Variants in CNTROB observed in about 807,000 individuals in gnomAD.
CNTROB encodes centrobin.
In CNTROB, 82 loss-of-function variants were observed where a neutral mutation model predicts 115.7. The ratio of observed to expected loss-of-function variants is 0.71; its 90% CI spans 0.59 to 0.85. The LOEUF (loss-of-function observed/expected upper bound fraction) is 0.85. CNTROB is among the 40% of genes least tolerant of loss of function. CNTROB has a pLI of 0.00. For missense variants in CNTROB, 1,014 were observed against 1,144.4 expected (o/e 0.89, Z 1.64); for synonymous variants, 439 against 456.4 (o/e 0.96, Z 0.49).
chr17:7,943,694 G>T lies in CNTROB; in HGVS notation c.1445+170G>T. 1 of 679,834 alleles carries T rather than the reference G, an allele frequency of 1.5e-6. No individual in the cohort carries two copies. The allele number at this position is 679,834 out of a possible 1,614,324, so 42.1% of individuals were successfully genotyped here. On this transcript the variant is annotated intron_variant, in intron 10 of 18. Transcript: ENST00000563694. The surrounding 1 kb of genome is among the most constrained non-coding windows in gnomAD (Gnocchi z 4.7). ...TCTCTCGGGAGGGCTGCCTTCACGCGTTCATGGAGAGCCAGAAGTGCCTGG... is the reference window on the plus strand; with the variant it reads ...TCTCTCGGGAGGGCTGCCTTCACGCTTTCATGGAGAGCCAGAAGTGCCTGG...
In CNTROB at chr17:7,943,880, C is replaced by T. The variant is rs189855333; in HGVS notation, c.1446-243C>T. 1.0e-3 allele frequency among the ~76,000 whole-genome samples: 158 copies of T among 152,280 alleles called. 3 individuals carry two copies. The highest frequency in any genetic ancestry group is 0.01 in the Admixed American group (156 of 15,302). On this transcript the variant is annotated intron_variant, in intron 10 of 18. Coordinates refer to ENST00000563694, the MANE Select transcript of CNTROB (RefSeq NM_053051.5). This position sits in a 1 kb window ranked among gnomAD's most constrained non-coding sequence, Gnocchi z 4.7. ...CTCCTCGCAGCCTGGCCTCACTTCT[C>T]CTCACACCCATTCTGCTGCCGAGAT...
At chr17:7,940,373 G>A (rs1433099552) in intron 9 of CNTROB, 131 bp downstream of exon 9, 3 of 768,900 alleles carry the variant, frequency 3.9e-6, no homozygotes, top group Non-Finnish European at 5.9e-6. Context: ...CAGTTTCTAT[G>A]TAGTATGGGT....
rs1164311953 is a variant in CNTROB at position 7,944,647 on chromosome 17, T to C, written c.1734+9T>C. 8 of 1,598,158 alleles carry C rather than the reference T, an allele frequency of 5.0e-6. No homozygotes were observed. Among genetic ancestry groups the C allele is most frequent in the African/African-American group, 2.7e-5 (2 of 74,242 alleles). On this transcript the variant is annotated intron_variant, in intron 12 of 18. Coordinates refer to ENST00000563694, the MANE Select transcript of CNTROB (RefSeq NM_053051.5). This position sits in a 1 kb window ranked among gnomAD's most constrained non-coding sequence, Gnocchi z 4.0. ...CGCCGCCCAACCCTCCAGTACGCCT[T>C]ACCCCTTGAGCTAAGCTTCTCCGTT...
Position 7,939,955 on chromosome 17 carries a change from C to G in CNTROB, c.1165-141C>G, listed in dbSNP as rs1367285345. 6 of 1,159,212 alleles carry G rather than the reference C, an allele frequency of 5.2e-6. No homozygotes were observed. In the East Asian group the frequency reaches 9.4e-5, roughly 18 times the overall value. The allele number at this position is 1,159,212 out of a possible 1,614,324, so 71.8% of individuals were successfully genotyped here. On this transcript the variant is annotated intron_variant, in intron 8 of 18. Coordinates refer to ENST00000563694, the MANE Select transcript of CNTROB (RefSeq NM_053051.5). The surrounding 1 kb of genome is among the most constrained non-coding windows in gnomAD (Gnocchi z 4.4). ...ACGTGAAAGGCCAAAGACTGAAATT[C>G]AACAGGGATGGGGAAATAAAACAAA...
chr17:7,941,445 C>CA (rs1364736728), intron 9 of CNTROB, among the ~76,000 whole-genome samples: 4 of 151,334 alleles, frequency 2.6e-5, no homozygotes, highest in Non-Finnish European at 4.4e-5. Context: ...ACTAAAAATA[C>CA]AAAAATTATC....
chr17:7,943,242 G>A lies in CNTROB; in HGVS notation c.1312-149G>A. ...AAGTGCGAATATCTTAATAAGGAAA[G>A]GGAACCTCTTTCACTCCTTGAGGCA... On this transcript the variant is annotated intron_variant, in intron 9 of 18. Transcript: ENST00000563694. This position sits in a 1 kb window ranked among gnomAD's most constrained non-coding sequence, Gnocchi z 4.7. 1.8e-6 allele frequency: 1 copy of A among 561,484 alleles called. No homozygotes were observed. The highest frequency in any genetic ancestry group is 3.3e-5 in the Admixed American group (1 of 30,458). The allele number at this position is 561,484 out of a possible 1,614,324, so 34.8% of individuals were successfully genotyped here.
chr17:7,942,330 C>T (rs537329073), intron 9 of CNTROB, among the ~76,000 whole-genome samples: 13 of 151,418 alleles, frequency 8.6e-5, no homozygotes, highest in East Asian at 7.8e-4. Context: ...GGGCCATGCG[C>T]GGTGGCTCAC....
At chr17:7,933,394 G>A (rs962170206) in intron 1 of CNTROB, 45 bp downstream of exon 1, 2 of 1,559,038 alleles carry the variant, frequency 1.3e-6, no homozygotes, top group Non-Finnish European at 1.7e-6. Flanking sequence ...CTAGACACCA[G>A]AGAGTCTTGG....
At chr17:7,933,476 A>C (rs1225311712) in intron 1 of CNTROB, 127 bp downstream of exon 1, 4 of 1,015,572 alleles carry the variant, frequency 3.9e-6, no homozygotes, top group Non-Finnish European at 5.6e-6. Flanking sequence ...TATTCCTTTT[A>C]ACTGCATAGG....
intron 4 of CNTROB, 43 bp from the exon 5 acceptor site, chr17:7,936,323 A>G (rs1310210667): frequency 3.5e-6 from 3 of 852,950 alleles, no homozygotes; most frequent in South Asian, 1.3e-5. Flanking sequence ...CTGTGGTCAT[A>G]CCAAAGATGG....
chr17:7,945,439 C>T (rs1253712761), intron 12 of CNTROB: 1 of 305,958 alleles, frequency 3.3e-6, no homozygotes, highest in Admixed American at 4.6e-5. Context: ...CACTCTGTTG[C>T]CCAGAGCGCT....
chr17:7,947,824 GACTA>G (rs1974733954), intron 14 of CNTROB, 88 bp from the exon 15 acceptor site: 2 of 1,609,214 alleles, frequency 1.2e-6, no homozygotes, highest in South Asian at 1.1e-5. Flanking sequence ...CCCTGTTTAT[GACTA>G]ACTCTTTGTC....
intron 13 of CNTROB, among the ~76,000 whole-genome samples, chr17:7,946,395 C>A (rs1974539316): frequency 6.6e-6 from 1 of 151,818 alleles, no homozygotes; most frequent in African/African-American, 2.4e-5. Context: ...CTAGCTGAGC[C>A]TCTAGACATT....
chr17:7,934,223 G>C lies in CNTROB; in HGVS notation c.355+1G>C. ...CAAACCTCACGTGATACAGCCTATC[G>C]TGAGTAAGCCCCTTCCCTAGAACTA... On this transcript the variant is annotated splice_donor_variant, in intron 2 of 18. Transcript: ENST00000563694. LOFTEE classifies it high-confidence loss of function. 6.2e-7 allele frequency: 1 copy of C among 1,613,458 alleles called. No individual in the cohort carries two copies. The highest frequency in any genetic ancestry group is 8.5e-7 in the Non-Finnish European group (1 of 1,179,412).
rs777422309 is a variant in CNTROB at position 7,933,164 on chromosome 17, CAAGTGTCGTCTG to C, written c.91_102del (p.Ser31_Val34del). 3.0e-5 allele frequency: 49 copies of C among 1,614,094 alleles called. No homozygotes were observed. The South Asian group carries it at 5.3e-4, about 17-fold the overall frequency. Reference sequence around the variant, plus strand: ...TTCATCAGAACCCCCTGGGCTCAACCAAGTGTCGTCTGAAGTGACCTCCCAGCTCTATGCTTC... The same window carrying C: ...TTCATCAGAACCCCCTGGGCTCAACCAAGTGACCTCCCAGCTCTATGCTTC... On this transcript the variant is annotated inframe_deletion, in exon 1 of 19. Coordinates refer to ENST00000563694, the MANE Select transcript of CNTROB (RefSeq NM_053051.5).
At position 7,949,399 on chromosome 17, in the gene CNTROB, T is replaced by C; in HGVS notation, c.2601T>C (p.Ala867=). The C allele has an allele frequency of 6.2e-7, 1 of 1,614,122 alleles. No homozygotes were observed. The highest frequency in any genetic ancestry group is 8.5e-7 in the Non-Finnish European group (1 of 1,180,008). The change falls in exon 19 of 19, where the codon GCT becomes GCC. Residue 867 remains alanine (A), a synonymous_variant. Coordinates refer to ENST00000563694, the MANE Select transcript of CNTROB (RefSeq NM_053051.5). ...EIPRKEIPSQ[A]VPRRLATAPK... is the part of the protein sequence containing the mutation. ...TCAACTCTCAGATTCCCTCCCAGGC[T>C]GTCCCTCGCCGCCTTGCTACAGCCC... is the stretch of plus-strand genomic sequence containing the variant.
Position 7,943,440 on chromosome 17 carries a change from A to G in CNTROB, c.1361A>G (p.Gln454Arg). The G allele has an allele frequency of 1.2e-6, 2 of 1,613,968 alleles. No homozygotes were observed. Among genetic ancestry groups the G allele is most frequent in the Non-Finnish European group, 1.7e-6 (2 of 1,179,858 alleles). The change falls in exon 10 of 19, where the codon CAG becomes CGG. Residue 454 changes from glutamine to arginine, a missense_variant. Transcript: ENST00000563694. The surrounding 1 kb of genome is among the most constrained non-coding windows in gnomAD (Gnocchi z 4.7). ...RIQLESELAV[Q>R]LEQRVTERLA... Reference sequence around the variant, plus strand: ...CAGCTGGAGTCGGAGCTGGCTGTGCAGCTGGAGCAGCGGGTGACAGAGCGG... The same window carrying G: ...CAGCTGGAGTCGGAGCTGGCTGTGCGGCTGGAGCAGCGGGTGACAGAGCGG...
chr17:7,943,388 C>A lies in CNTROB; in HGVS notation c.1312-3C>A, dbSNP rs1446354652. 1 of 1,611,904 alleles carries A rather than the reference C, an allele frequency of 6.2e-7. No individual in the cohort carries two copies. Among genetic ancestry groups the A allele is most frequent in the Non-Finnish European group, 8.5e-7 (1 of 1,178,266 alleles). On this transcript the variant is annotated splice_polypyrimidine_tract_variant and splice_region_variant and intron_variant, in intron 9 of 18. Transcript: ENST00000563694. The surrounding 1 kb of genome is among the most constrained non-coding windows in gnomAD (Gnocchi z 4.7). ...GCCGTTATCCCACCTTCCTTCACTCCAGGCCCGGTATGAAAGCCAGCGGAT... is the reference window on the plus strand; with the variant it reads ...GCCGTTATCCCACCTTCCTTCACTCAAGGCCCGGTATGAAAGCCAGCGGAT...
chr17:7,936,354 C>T lies in CNTROB; in HGVS notation c.595-12C>T. 1 of 1,127,096 alleles carries T rather than the reference C, an allele frequency of 8.9e-7. No homozygotes were observed. Among genetic ancestry groups the T allele is most frequent in the South Asian group, 1.2e-5 (1 of 81,352 alleles). The allele number at this position is 1,127,096 out of a possible 1,614,324, so 69.8% of individuals were successfully genotyped here. The stretch of plus-strand genomic sequence containing the variant: ...GATGGGCAACACCCAGACTCCTCAC[C>T]CTTTTCCCCAGCATTGTGAGCGCCA... On this transcript the variant is annotated splice_polypyrimidine_tract_variant and intron_variant, in intron 4 of 18. Coordinates refer to ENST00000563694, the MANE Select transcript of CNTROB (RefSeq NM_053051.5).
Sources: gnomAD v4.1 joint callset for allele counts (sites outside exome capture counted in the v4.1 genomes callset) on GRCh38, gnomAD v4.1.1 for gene constraint, Gnocchi (gnomAD v3.1) non-coding constraint, MANE v1.5 for transcripts, NCBI Gene and HGNC (gene_info 2026-07-23, HGNC 2026-07-21) for gene names.